TPO: variants seen among roughly 807,000 people sequenced by gnomAD.
TPO encodes the protein thyroid peroxidase, also known as thyroid microsomal antigen.
A neutral mutation model predicts 96.9 loss-of-function variants in TPO; 78 were observed. The observed-to-expected ratio is 0.81, with a 90% CI of 0.67 to 0.97. The LOEUF (loss-of-function observed/expected upper bound fraction) is 0.97. Ranked by LOEUF, TPO falls within the 50% of genes least tolerant of loss-of-function variation. The probability of loss-of-function intolerance (pLI) is 0.00; values close to 1 mark genes in which losing one functional copy is unlikely to be tolerated. For synonymous variants in TPO, 547 were observed against 538.0 expected (o/e 1.02, Z -0.23); for missense variants, 1,252 against 1,274.8 (o/e 0.98, Z 0.27).
chr2:1,537,900 C>CGT, intron 15 of TPO, among the ~76,000 whole-genome samples: 1 of 127,064 alleles, frequency 7.9e-6, no homozygotes, highest in Non-Finnish European at 1.7e-5. Context: ...AAATCCCCAC[C>CGT]ACTCTGTGCA....
At chr2:1,522,965 G>T (rs1675509785) in intron 15 of TPO, among the ~76,000 whole-genome samples, 4 of 114,860 alleles carry the variant, frequency 3.5e-5, no homozygotes, top group South Asian at 2.7e-4. Context: ...TCCCCCCACT[G>T]TGTGCAACCT....
chr2:1,426,075 T>C (rs28672357), intron 3 of TPO, among the ~76,000 whole-genome samples: 1,455 of 137,668 alleles, frequency 0.011, 125 homozygotes, highest in African/African-American at 0.039. Context: ...TTCTAGATGC[T>C]GGGATACAGA....
chr2:1,458,245 G>C (rs1388199559), intron 7 of TPO, among the ~76,000 whole-genome samples: 9 of 129,386 alleles, frequency 7.0e-5, no homozygotes, highest in East Asian at 2.4e-4. Context: ...GTGTATATAG[G>C]ATATAAGATA....
At chr2:1,539,619 T>C (rs1185469952) in intron 15 of TPO, among the ~76,000 whole-genome samples, 1 of 152,110 alleles carries the variant, frequency 6.6e-6, no homozygotes, top group East Asian at 1.9e-4. Context: ...GGAATGGCTA[T>C]GCGGAGGGCG....
At chr2:1,430,206 C>T (rs867253766) in intron 3 of TPO, among the ~76,000 whole-genome samples, 11 of 152,282 alleles carry the variant, frequency 7.2e-5, no homozygotes, top group Admixed American at 4.6e-4. Context: ...GGACACTGAT[C>T]CCTGTATCCC....
chr2:1,539,286 A>G (rs375583693), intron 15 of TPO, among the ~76,000 whole-genome samples: 1 of 152,004 alleles, frequency 6.6e-6, no homozygotes, highest in African/African-American at 2.4e-5. Context: ...TACAGACTTT[A>G]TGTCAGTGTA....
chr2:1,499,589 A>G (rs1309712399), intron 13 of TPO, among the ~76,000 whole-genome samples: 6 of 139,426 alleles, frequency 4.3e-5, no homozygotes, highest in Admixed American at 3.5e-4. Context: ...GGCCACCACA[A>G]TCCCTGAGTC....
At chr2:1,411,530 T>C (rs1662339436), upstream of TPO, among the ~76,000 whole-genome samples, 1 of 152,240 alleles carries the variant, frequency 6.6e-6, no homozygotes, top group Non-Finnish European at 1.5e-5. Context: ...CCACGCTGTC[T>C]CATTTTACCA....
chr2:1,485,430 A>G (rs1671064880), intron 9 of TPO, among the ~76,000 whole-genome samples: 1 of 152,130 alleles, frequency 6.6e-6, no homozygotes, highest in South Asian at 2.1e-4. Flanking sequence ...AAGTAATTGG[A>G]TCGCTGGGTC....
intron 3 of TPO, among the ~76,000 whole-genome samples, chr2:1,431,145 C>T (rs1470782909): frequency 2.0e-5 from 3 of 151,888 alleles, no homozygotes; most frequent in Non-Finnish European, 4.4e-5. Context: ...TGGTGAGAGG[C>T]GATTGGATCA....
At chr2:1,400,362 A>T (rs948643939) in intron 1 of TPO, among the ~76,000 whole-genome samples, 3 of 152,100 alleles carry the variant, frequency 2.0e-5, no homozygotes, top group Non-Finnish European at 4.4e-5. Context: ...GCGTTCTGGC[A>T]TGTGCCTGTA....
chr2:1,511,253 A>G (rs1230852843), intron 14 of TPO, among the ~76,000 whole-genome samples: 4 of 146,726 alleles, frequency 2.7e-5, no homozygotes, highest in Non-Finnish European at 6.0e-5. Context: ...GGGGTGCCAC[A>G]GCGCAGCCCT....
At chr2:1,389,724 T>C (rs1456800663) in intron 1 of TPO, among the ~76,000 whole-genome samples, 3 of 152,184 alleles carry the variant, frequency 2.0e-5, no homozygotes, top group African/African-American at 7.2e-5. Context: ...GCATCTGATG[T>C]GTGGCTTTTC....
intron 5 of TPO, 125 bp downstream of exon 5, chr2:1,436,509 GTCCT>G (rs1256139462): frequency 2.0e-6 from 3 of 1,468,768 alleles, no homozygotes; most frequent in Non-Finnish European, 2.8e-6. Flanking sequence ...CCTGGTTCCT[GTCCT>G]TGGCCTCCCC....
At chr2:1,496,250 CAA>C in intron 12 of TPO, 53 bp downstream of exon 12, 2 of 1,574,902 alleles carry the variant, frequency 1.3e-6, no homozygotes, top group Non-Finnish European at 1.7e-6. Flanking sequence ...TCTCATCAAA[CAA>C]AGCTTATCTT....
intron 7 of TPO, among the ~76,000 whole-genome samples, chr2:1,474,133 T>A (rs1248060849): frequency 6.6e-6 from 1 of 152,248 alleles, no homozygotes; most frequent in Non-Finnish European, 1.5e-5. Context: ...TAATATTTGT[T>A]ATTGTTTCTA....
intron 1 of TPO, among the ~76,000 whole-genome samples, chr2:1,387,108 T>A (rs1406683636): frequency 6.6e-6 from 1 of 152,228 alleles, no homozygotes; most frequent in Non-Finnish European, 1.5e-5. Flanking sequence ...CCTCCCTTTG[T>A]GGGTAACCCG....
chr2:1,430,247 G>A (rs1475650564), intron 3 of TPO, among the ~76,000 whole-genome samples: 1 of 152,180 alleles, frequency 6.6e-6, no homozygotes, highest in African/African-American at 2.4e-5. Context: ...TGGCTCAGAG[G>A]GGCCCAGGTA....
At chr2:1,527,003 AAATCCCCCCCACTGTGTGCAACCTC>A in intron 15 of TPO, among the ~76,000 whole-genome samples, 1 of 134,100 alleles carries the variant, frequency 7.5e-6, no homozygotes, top group Non-Finnish European at 1.5e-5. Flanking sequence ...CAACCTCCTC[AAATCCCCCCCACTGTGTGCAACCTC>A]CTCAAATCCC....
Sources: allele counts gnomAD v4.1 joint callset (sites outside exome capture counted in the v4.1 genomes callset), GRCh38; gene constraint gnomAD v4.1.1; transcripts MANE v1.5; gene names NCBI Gene and HGNC (gene_info 2026-07-23, HGNC 2026-07-21).